The following EXOC3L2 variants were observed in gnomAD, a reference collection of about 807,000 sequenced individuals.
EXOC3L2 encodes exocyst complex component 3-like protein 2.
EXOC3L2 carries 17 observed loss-of-function variants against 44.4 expected under a neutral mutation model. The observed-to-expected ratio is 0.38, with a 90% CI of 0.26 to 0.57. The LOEUF (loss-of-function observed/expected upper bound fraction) is 0.57. EXOC3L2 is among the 20% of genes least tolerant of loss of function. EXOC3L2 has a pLI of 0.65. For synonymous variants in EXOC3L2, 256 were observed against 253.7 expected, an observed-to-expected ratio of 1.01 and a Z score of -0.09; for missense variants, 541 against 588.4, an observed-to-expected ratio of 0.92 and a Z score of 0.83.
chr19:45,218,382 A>G (rs745633062), intron 8 of EXOC3L2, 63 bp from the exon 9 acceptor site: 58 of 1,480,380 alleles, frequency 3.9e-5, no homozygotes, highest in Non-Finnish European at 5.1e-5. Flanking sequence ...TCACTTAGGA[A>G]TAAGTTCCTG....
chr19:45,228,136 C>T (rs1443150302), intron 5 of EXOC3L2, 29 bp downstream of exon 5: 1 of 1,613,842 alleles, frequency 6.2e-7, no homozygotes, highest in South Asian at 1.1e-5. Context: ...TCCATCCAGC[C>T]CATCCCCCAG....
intron 2 of EXOC3L2, among the ~76,000 whole-genome samples, chr19:45,237,703 C>T (rs1053737661): frequency 3.3e-5 from 5 of 151,528 alleles, no homozygotes; most frequent in Non-Finnish European, 5.9e-5. Flanking sequence ...GAATTACGTC[C>T]CCCCAGAAAA....
At position 45,238,446 on chromosome 19, in the gene EXOC3L2, A is replaced by C; in HGVS notation, c.523+77T>G. 2.5e-6 allele frequency: 1 copy of C among 399,466 alleles called. No homozygotes were observed. The highest frequency in any genetic ancestry group is 4.4e-6 in the Non-Finnish European group (1 of 226,160). 24.7% of individuals were successfully genotyped at this position (399,466 alleles called of 1,614,324 possible). A position where few individuals can be genotyped will look rare whatever the true frequency, so the allele number is the denominator to read the frequency against. ...GTAGCTGGGATGGGCTTAAGTATGA[A>C]GCCTGGGACCACCAGGGCTGGGGAT... On this transcript the variant is annotated intron_variant, in intron 2 of 11. Transcript: ENST00000413988. The surrounding 1 kb of genome is among the most constrained non-coding windows in gnomAD (Gnocchi z 5.5).
chr19:45,233,781 A>G (rs1172514166), intron 3 of EXOC3L2, among the ~76,000 whole-genome samples: 1 of 152,228 alleles, frequency 6.6e-6, no homozygotes, highest in Non-Finnish European at 1.5e-5. Flanking sequence ...ATGTAGGTCT[A>G]GAAGAATGAA....
rs528305360 is a variant in EXOC3L2, at chr19:45,242,767, C to T, written c.-17+2574G>A. Among the ~76,000 whole-genome samples the T allele has an allele frequency of 4.1e-5, 6 of 147,914 alleles. No individual in the cohort carries two copies. In the South Asian group the frequency reaches 1.3e-3, roughly 31 times the overall value. ...GTCCTAGCTACTTGGGAGGTTGAGG[C>T]AGGAGAATCACTTGAACCCAGGAGG... On this transcript the variant is annotated intron_variant, in intron 1 of 11. Transcript: ENST00000413988.
At chr19:45,222,080 G>A (rs1379240900) in intron 8 of EXOC3L2, among the ~76,000 whole-genome samples, 2 of 151,704 alleles carry the variant, frequency 1.3e-5, no homozygotes, top group East Asian at 3.9e-4. Context: ...TCATGCACAC[G>A]GCGCACACAC....
At chr19:45,225,489 C>T (rs890653873) in intron 7 of EXOC3L2, among the ~76,000 whole-genome samples, 16 of 151,884 alleles carry the variant, frequency 1.1e-4, no homozygotes, top group Admixed American at 3.3e-4. Flanking sequence ...AGGATGGTCT[C>T]GATCTCCTGA....
intron 4 of EXOC3L2, among the ~76,000 whole-genome samples, chr19:45,229,379 ATAT>A (rs1200592031): frequency 1.4e-5 from 2 of 146,076 alleles, no homozygotes; most frequent in Admixed American, 7.0e-5. Context: ...TATATATTAA[ATAT>A]TAGTATAAGC....
At chr19:45,236,476 A>G (rs1453255518) in intron 2 of EXOC3L2, among the ~76,000 whole-genome samples, 1 of 148,678 alleles carries the variant, frequency 6.7e-6, no homozygotes, top group East Asian at 1.9e-4. Flanking sequence ...AAAAAAAAAA[A>G]AAAAAAAAAA....
intron 1 of EXOC3L2, among the ~76,000 whole-genome samples, chr19:45,241,481 A>C (rs1291572243): frequency 7.0e-6 from 1 of 143,270 alleles, no homozygotes; most frequent in Non-Finnish European, 1.6e-5. Context: ...CCATCTCAAA[A>C]AAAAAAAAAA....
At chr19:45,240,298 T>A (rs994191998) in intron 1 of EXOC3L2, among the ~76,000 whole-genome samples, 6 of 151,488 alleles carry the variant, frequency 4.0e-5, no homozygotes, top group Non-Finnish European at 8.8e-5. Context: ...TTTATTTATT[T>A]ATTGAGACAG....
chr19:45,236,510 T>G, intron 2 of EXOC3L2, among the ~76,000 whole-genome samples: 1 of 136,074 alleles, frequency 7.3e-6, no homozygotes, highest in Admixed American at 7.5e-5. Context: ...AGTTTGAAGA[T>G]GAATTGTGGA....
In EXOC3L2 at chr19:45,217,584, C is replaced by CG. The variant is rs1969849337; in HGVS notation, c.1941dup (p.Val648ArgfsTer35). On this transcript the variant is annotated frameshift_variant, in exon 10 of 12. Coordinates refer to ENST00000413988, the MANE Select transcript of EXOC3L2 (RefSeq NM_001382422.1). LOFTEE classifies it high-confidence loss of function. ...GCGTCCTCCCGGAGCCTGCCGGCCA[C>CG]GCGGCTGCGGGTCCGCGCCGAGCTG... 6.5e-7 allele frequency: 1 copy of CG among 1,543,324 alleles called. No homozygotes were observed. Among genetic ancestry groups the CG allele is most frequent in the Admixed American group, 1.9e-5 (1 of 51,834 alleles).
At chr19:45,235,380 G>T (rs768368506) in intron 2 of EXOC3L2, among the ~76,000 whole-genome samples, 1 of 152,072 alleles carries the variant, frequency 6.6e-6, no homozygotes, top group African/African-American at 2.4e-5. Context: ...GTTGCAGGGC[G>T]GAAAAATGGA....
intron 11 of EXOC3L2, among the ~76,000 whole-genome samples, chr19:45,214,855 A>C (rs1969816837): frequency 1.3e-5 from 2 of 152,026 alleles, no homozygotes; most frequent in Admixed American, 6.6e-5. Context: ...AATAGCTTTA[A>C]TTATACCCCT....
rs1285089234 is a variant in EXOC3L2 at position 45,216,066 on chromosome 19, G to A, written c.2120+7C>T. The A allele has an allele frequency of 6.2e-7, 1 of 1,613,676 alleles. No individual in the cohort carries two copies. ...CGGCGAGCCCTGGCCCAGGCGGGGT[G>A]TCTCACCTGATGTCTGGGTAGTCGC... On this transcript the variant is annotated splice_region_variant and intron_variant, in intron 11 of 11. Coordinates refer to ENST00000413988, the MANE Select transcript of EXOC3L2 (RefSeq NM_001382422.1).
At chr19:45,227,852 C>A (rs1599764769) in intron 6 of EXOC3L2, 80 bp from the exon 7 acceptor site, 6 of 1,512,110 alleles carry the variant, frequency 4.0e-6, no homozygotes, top group East Asian at 2.3e-5. Flanking sequence ...AAGCCACCAT[C>A]CCTGCGGTGG....
At chr19:45,225,564 G>T (rs1037950432) in intron 7 of EXOC3L2, among the ~76,000 whole-genome samples, 1 of 151,784 alleles carries the variant, frequency 6.6e-6, no homozygotes, top group Non-Finnish European at 1.5e-5. Context: ...CGCCGCACCC[G>T]GCCAAGTCTG....
intron 11 of EXOC3L2, among the ~76,000 whole-genome samples, chr19:45,214,460 T>G (rs910118040): frequency 4.0e-5 from 6 of 150,348 alleles, no homozygotes; most frequent in South Asian, 2.1e-4. Context: ...TTTTGTGTGT[T>G]TGTTTGTTTG....
Sources: gnomAD v4.1 joint callset for allele counts (sites outside exome capture counted in the v4.1 genomes callset) on GRCh38, gnomAD v4.1.1 for gene constraint, Gnocchi (gnomAD v3.1) non-coding constraint, MANE v1.5 for transcripts, NCBI Gene and HGNC (gene_info 2026-07-23, HGNC 2026-07-21) for gene names.